The following PDE4C variants were observed in gnomAD, a reference collection of about 807,000 sequenced individuals.
PDE4C encodes phosphodiesterase 4C, also known as 3',5'-cyclic-AMP phosphodiesterase 4C.
In PDE4C, 50 loss-of-function variants were observed where a neutral mutation model predicts 63.9. That is an observed-to-expected ratio of 0.78 (90% CI 0.62 to 0.99). The LOEUF (loss-of-function observed/expected upper bound fraction) is 0.99. PDE4C is among the 50% of genes least tolerant of loss of function. The probability of loss-of-function intolerance (pLI) is 0.00; values close to 1 mark genes in which losing one functional copy is unlikely to be tolerated. For synonymous variants in PDE4C, 377 were observed against 385.1 expected, an observed-to-expected ratio of 0.98 and a Z score of 0.25; for missense variants, 777 against 899.1, an observed-to-expected ratio of 0.86 and a Z score of 1.74.
exon 13 of PDE4C, chr19:18,213,400 G>A: frequency 1.2e-6 from 2 of 1,613,906 alleles, no homozygotes; most frequent in Non-Finnish European, 1.7e-6. Context: ...TCCAGGAGGA[G>A]GACACCGAGG....
At chr19:18,217,603 C>T (rs1312786472) in intron 11 of PDE4C, among the ~76,000 whole-genome samples, 3 of 152,116 alleles carry the variant, frequency 2.0e-5, no homozygotes, top group Non-Finnish European at 4.4e-5. Flanking sequence ...ACTTTAAGAT[C>T]TTGGTGGAAC....
chr19:18,229,134 G>C (rs1448771695), upstream of PDE4C, among the ~76,000 whole-genome samples: 1 of 127,356 alleles, frequency 7.9e-6, no homozygotes, highest in African/African-American at 3.0e-5. Flanking sequence ...GTATTTAGTA[G>C]AGACGAGGTT....
rs1183461208 is a variant in PDE4C at position 18,222,117 on chromosome 19, C to T, written c.338+15G>A. ...GAGGGTAGAGGCGGTGTCATCCCAC[C>T]AGCCCCAGACTCACAGGTCGCTGGC... On this transcript the variant is annotated intron_variant, in intron 2 of 14. Coordinates refer to ENST00000262805, the Ensembl canonical transcript of PDE4C. 1 of 1,597,334 alleles carries T rather than the reference C, an allele frequency of 6.3e-7. No homozygotes were observed.
intron 1 of PDE4C, among the ~76,000 whole-genome samples, chr19:18,247,901 C>T (rs1442888747): frequency 2.0e-5 from 3 of 152,160 alleles, no homozygotes; most frequent in African/African-American, 4.8e-5. Flanking sequence ...GTGAGACACC[C>T]GCCCGGACCT....
chr19:18,236,626 C>T (rs185887703), upstream of PDE4C, among the ~76,000 whole-genome samples: 20 of 152,294 alleles, frequency 1.3e-4, 1 homozygote, highest in Admixed American at 1.2e-3. Flanking sequence ...TTCTCCATCA[C>T]AGCATGATTA....
At position 18,245,599 on chromosome 19, in the gene PDE4C, G is replaced by A. The variant is rs138896975; in HGVS notation, c.-210+2572C>T. Among the ~76,000 whole-genome samples, 543 of 152,288 alleles carry A rather than the reference G, an allele frequency of 3.6e-3. 2 individuals carry two copies. Among genetic ancestry groups the A allele is most frequent in the African/African-American group, 0.012 (481 of 41,558 alleles). On this transcript the variant is annotated intron_variant, in intron 1 of 15. Transcript: ENST00000594617. Reference sequence around the variant, plus strand: ...ACTTCAGCTAAAATGTCAACTTCCCGGAGAAGGCCCTCCTGCCCAGCTCGA... The same window carrying A: ...ACTTCAGCTAAAATGTCAACTTCCCAGAGAAGGCCCTCCTGCCCAGCTCGA...
At chr19:18,225,160 G>A (rs1392474788) in intron 1 of PDE4C, among the ~76,000 whole-genome samples, 1 of 152,162 alleles carries the variant, frequency 6.6e-6, no homozygotes, top group Non-Finnish European at 1.5e-5. Flanking sequence ...GGGCGGTGCG[G>A]GGGTAGAGCC....
intron 1 of PDE4C, among the ~76,000 whole-genome samples, chr19:18,239,100 G>A (rs541323799): frequency 5.3e-5 from 8 of 152,126 alleles, no homozygotes; most frequent in South Asian, 2.1e-4. Context: ...TATAAATGCC[G>A]TTCCAATAGT....
At chr19:18,251,087 TTTTA>T (rs1969224065), upstream of PDE4C, among the ~76,000 whole-genome samples, 1 of 149,358 alleles carries the variant, frequency 6.7e-6, no homozygotes, top group African/African-American at 2.5e-5. Flanking sequence ...AATTTTTAAA[TTTTA>T]TTTAATCAAT....
chr19:18,213,640 T>C (rs1201071261), intron 12 of PDE4C, 150 bp from the exon 13 acceptor site: 2 of 931,230 alleles, frequency 2.1e-6, no homozygotes, highest in Non-Finnish European at 3.1e-6. Flanking sequence ...CTGCATTCAC[T>C]GCAAACTCTG....
intron 1 of PDE4C, among the ~76,000 whole-genome samples, chr19:18,246,182 A>ATT (rs35056580): frequency 6.7e-4 from 76 of 112,660 alleles, no homozygotes; most frequent in African/African-American, 2.0e-3. Flanking sequence ...CACCAGGCTA[A>ATT]TTTTTTTTTT....
Position 18,220,565 on chromosome 19 carries a change from C to A in PDE4C, c.500-50G>T. 6.7e-7 allele frequency: 1 copy of A among 1,498,914 alleles called. No homozygotes were observed. The highest frequency in any genetic ancestry group is 9.2e-7 in the Non-Finnish European group (1 of 1,085,052). The allele number at this position is 1,498,914 out of a possible 1,614,324, so 92.9% of individuals were successfully genotyped here. ...CTGCCCAACCCCCCCGCTCAGGGAC[C>A]CCACGCCTCTCGCGACTTCGTCTCT... is the stretch of plus-strand genomic sequence containing the variant. On this transcript the variant is annotated intron_variant, in intron 5 of 14. Coordinates refer to ENST00000262805, the Ensembl canonical transcript of PDE4C. This position sits in a 1 kb window ranked among gnomAD's most constrained non-coding sequence, Gnocchi z 5.1.
intron 12 of PDE4C, among the ~76,000 whole-genome samples, 175 bp downstream of exon 12, chr19:18,216,566 C>T (rs1436679906): frequency 3.3e-5 from 5 of 152,220 alleles, no homozygotes; most frequent in Non-Finnish European, 5.9e-5. Context: ...TGAGCCACCG[C>T]CCCTGGCCCC....
At chr19:18,208,479 C>G (rs1568656602), downstream of PDE4C, 1 of 151,518 alleles carries the variant, frequency 6.6e-6, no homozygotes, top group Non-Finnish European at 1.5e-5. Context: ...GACCCACCCC[C>G]CAACCCCCGA....
upstream of PDE4C, chr19:18,233,748 G>A: frequency 1.2e-5 from 4 of 335,498 alleles, no homozygotes; most frequent in South Asian, 9.0e-5. Flanking sequence ...GGAGACCGGG[G>A]TTCAGGTGCA....
upstream of PDE4C, chr19:18,236,873 CTG>C (rs1968960743): frequency 6.5e-6 from 1 of 152,820 alleles, no homozygotes; most frequent in Admixed American, 6.5e-5. Flanking sequence ...TGGGACCACG[CTG>C]TCTTTTCTCT....
At chr19:18,224,615 G>T in intron 1 of PDE4C, 1 of 665,796 alleles carries the variant, frequency 1.5e-6, no homozygotes, top group Non-Finnish European at 1.9e-6. Context: ...CGCTCGGTCT[G>T]CTTCGAACAA....
Position 18,215,039 on chromosome 19 carries a change from T to C in PDE4C, c.1390-1549A>G, listed in dbSNP as rs567696928. Among the ~76,000 whole-genome samples the C allele has an allele frequency of 1.1e-4, 17 of 151,132 alleles. No homozygotes were observed. In the East Asian group the frequency reaches 3.3e-3, roughly 29 times the overall value. On this transcript the variant is annotated intron_variant, in intron 12 of 14. Transcript: ENST00000262805. ...TGTGGTTCACCGGCTTCTCTGAGAG[T>C]CAGACAAAAGTCTCAAAACTTCTCC...
chr19:18,216,994 G>C, intron 11 of PDE4C, 99 bp from the exon 12 acceptor site: 2 of 1,347,352 alleles, frequency 1.5e-6, no homozygotes, highest in Non-Finnish European at 2.0e-6. Flanking sequence ...CTACCCATGC[G>C]TTGAAGGCCC....
Sources: allele counts gnomAD v4.1 joint callset (sites outside exome capture counted in the v4.1 genomes callset), GRCh38; gene constraint gnomAD v4.1.1; non-coding constraint Gnocchi (gnomAD v3.1); transcripts MANE v1.5; gene names NCBI Gene and HGNC (gene_info 2026-07-23, HGNC 2026-07-21).